Variants in SCYL3 observed in about 807,000 individuals in gnomAD.
SCYL3 encodes the protein protein-associating with the carboxyl-terminal domain of ezrin.
Under a neutral mutation model 73.8 loss-of-function variants are expected in SCYL3, and 35 were observed. That is an observed-to-expected ratio of 0.47 (90% CI 0.36 to 0.63). The LOEUF is 0.63. Among genes scored for constraint, SCYL3 ranks in the 20% least tolerant of loss-of-function variants. The pLI is 0.00. For missense variants in SCYL3, 712 were observed against 798.9 expected, an observed-to-expected ratio of 0.89 and a Z score of 1.31; for synonymous variants, 277 against 295.2, an observed-to-expected ratio of 0.94 and a Z score of 0.63.
intron 1 of SCYL3, among the ~76,000 whole-genome samples, chr1:169,889,536 T>C (rs1444839772): frequency 6.6e-6 from 1 of 152,122 alleles, no homozygotes; most frequent in Non-Finnish European, 1.5e-5. Context: ...TCTTCAAAGC[T>C]ATCCTAAGTA....
chr1:169,874,724 G>T (rs1660675501), intron 4 of SCYL3, among the ~76,000 whole-genome samples: 1 of 152,142 alleles, frequency 6.6e-6, no homozygotes. Flanking sequence ...TCAGGAATTT[G>T]AGACCAGCCT....
intron 7 of SCYL3, among the ~76,000 whole-genome samples, chr1:169,868,726 T>C (rs1340293565): frequency 2.0e-5 from 3 of 152,210 alleles, no homozygotes; most frequent in Non-Finnish European, 1.5e-5. Flanking sequence ...TAAAACTTCC[T>C]ATCTATAATA....
chr1:169,853,914 C>A, intron 12 of SCYL3, 142 bp from the exon 13 acceptor site: 1 of 893,556 alleles, frequency 1.1e-6, no homozygotes, highest in Non-Finnish European at 1.7e-6. Context: ...TAACTTAGAG[C>A]TCTAACAGAA....
chr1:169,859,465 A>C (rs1323181669), intron 10 of SCYL3, among the ~76,000 whole-genome samples: 1 of 152,254 alleles, frequency 6.6e-6, no homozygotes, highest in Non-Finnish European at 1.5e-5. Context: ...TTGGGTACAT[A>C]AAATTACTCT....
chr1:169,892,908 A>T lies in SCYL3; in HGVS notation c.-51+880T>A, dbSNP rs1434469732. On this transcript the variant is annotated intron_variant, in intron 1 of 12. Coordinates refer to ENST00000367771, the MANE Select transcript of SCYL3 (RefSeq NM_020423.7). ...CTCCCTTAGCTTGAAAGTTCCAAAGATAATGGCTTGCACTCTGAGTATTAA... is the reference window on the plus strand; with the variant it reads ...CTCCCTTAGCTTGAAAGTTCCAAAGTTAATGGCTTGCACTCTGAGTATTAA... Among the ~76,000 whole-genome samples, 3 of 152,206 alleles carry T rather than the reference A, an allele frequency of 2.0e-5. No homozygotes were observed. In the East Asian group the frequency reaches 5.8e-4, roughly 29 times the overall value.
Position 169,866,886 on chromosome 1 carries a change from C to T in SCYL3, c.815+10G>A, listed in dbSNP as rs1258847022. On this transcript the variant is annotated intron_variant, in intron 8 of 12. Transcript: ENST00000367771. ...TTATTCAATTTAAATTCTTAATTTT[C>T]TGAACTTACTTAAAGAATTCCGTTT... 2 of 1,432,340 alleles carry T rather than the reference C, an allele frequency of 1.4e-6. No individual in the cohort carries two copies. 88.7% of individuals were successfully genotyped at this position (1,432,340 alleles called of 1,614,324 possible).
chr1:169,868,891 C>G (rs1467230333), intron 7 of SCYL3, 37 bp downstream of exon 7: 1 of 1,487,668 alleles, frequency 6.7e-7, no homozygotes, highest in Non-Finnish European at 9.4e-7. Context: ...AGCAGTGTTC[C>G]GGAAGCAGCT....
intron 2 of SCYL3, among the ~76,000 whole-genome samples, chr1:169,879,582 A>G (rs1341246166): frequency 2.6e-5 from 4 of 152,246 alleles, no homozygotes; most frequent in African/African-American, 9.6e-5. Context: ...AATAAAAAAC[A>G]TCAGCATTTT....
At chr1:169,877,346 T>G (rs747345308) in intron 3 of SCYL3, among the ~76,000 whole-genome samples, 1 of 152,018 alleles carries the variant, frequency 6.6e-6, no homozygotes, top group East Asian at 1.9e-4. Flanking sequence ...TTTGTAGAGA[T>G]AGGGTCTTGC....
intron 5 of SCYL3, among the ~76,000 whole-genome samples, chr1:169,872,570 A>G (rs1270356865): frequency 6.6e-6 from 1 of 152,184 alleles, no homozygotes; most frequent in Non-Finnish European, 1.5e-5. Flanking sequence ...CAGATCCCAG[A>G]ATGGTAGATC....
At chr1:169,873,445 G>T (rs1384340835) in intron 5 of SCYL3, among the ~76,000 whole-genome samples, 1 of 152,146 alleles carries the variant, frequency 6.6e-6, no homozygotes, top group Non-Finnish European at 1.5e-5. Context: ...ATCGTGAAAT[G>T]GGTATAATTG....
chr1:169,865,029 A>G (rs1354541911), intron 8 of SCYL3, among the ~76,000 whole-genome samples: 1 of 151,798 alleles, frequency 6.6e-6, no homozygotes, highest in Non-Finnish European at 1.5e-5. Flanking sequence ...CACACCTCCA[A>G]TTCACACCAG....
chr1:169,873,246 A>G (rs1660553713), intron 5 of SCYL3, among the ~76,000 whole-genome samples: 1 of 152,098 alleles, frequency 6.6e-6, no homozygotes, highest in Non-Finnish European at 1.5e-5. Flanking sequence ...TATAAAAGGG[A>G]ATTTTCCTGC....
rs1658717500 is a variant in SCYL3, at chr1:169,853,642, C to T, written c.*71G>A. The T allele has an allele frequency of 1.3e-6, 2 of 1,545,692 alleles. No homozygotes were observed. The highest frequency in any genetic ancestry group is 1.8e-6 in the Non-Finnish European group (2 of 1,127,534). On this transcript the variant is annotated 3_prime_UTR_variant, in exon 13 of 13. Coordinates refer to ENST00000367771, the MANE Select transcript of SCYL3 (RefSeq NM_020423.7). Reference sequence around the variant, plus strand: ...CTTTGGGGTTTTCTTGTCCCAAAGCCTGCTTTTGAGGTATTGATTTTTTTT... The same window carrying T: ...CTTTGGGGTTTTCTTGTCCCAAAGCTTGCTTTTGAGGTATTGATTTTTTTT...
At chr1:169,876,239 A>T (rs1377920354) in intron 3 of SCYL3, 148 bp from the exon 4 acceptor site, 7 of 478,892 alleles carry the variant, frequency 1.5e-5, no homozygotes, top group East Asian at 3.5e-5. Flanking sequence ...AAGCCTTCCC[A>T]CTTGTGGCAT....
chr1:169,884,367 A>G (rs1661524400), intron 2 of SCYL3, among the ~76,000 whole-genome samples: 1 of 151,830 alleles, frequency 6.6e-6, no homozygotes, highest in African/African-American at 2.4e-5. Flanking sequence ...GCGTGTTCTC[A>G]GCTCACTGCA....
intron 6 of SCYL3, 37 bp downstream of exon 6, chr1:169,870,218 C>T: frequency 1.4e-6 from 2 of 1,384,352 alleles, no homozygotes; most frequent in Middle Eastern, 1.8e-4. Context: ...GATTTTCCTA[C>T]TTATTCTATA....
intron 3 of SCYL3, among the ~76,000 whole-genome samples, chr1:169,876,490 T>C (rs144733966): frequency 1.6e-3 from 243 of 152,358 alleles, no homozygotes; most frequent in Non-Finnish European, 3.0e-3. Context: ...CCTTTAAAGA[T>C]AAAATATATC....
intron 12 of SCYL3, 142 bp downstream of exon 12, chr1:169,854,128 G>A (rs1264283206): frequency 1.5e-6 from 1 of 663,458 alleles, no homozygotes; most frequent in African/African-American, 2.0e-5. Flanking sequence ...AGATACCAAT[G>A]ATAGAAACTG....
Sources: allele counts gnomAD v4.1 joint callset (sites outside exome capture counted in the v4.1 genomes callset), GRCh38; gene constraint gnomAD v4.1.1; transcripts MANE v1.5; gene names NCBI Gene and HGNC (gene_info 2026-07-23, HGNC 2026-07-21).